The following ANK1 variants were observed in gnomAD, a reference collection of about 807,000 sequenced individuals.
ANK1 encodes the protein ankyrin 1.
Under a neutral mutation model 210.4 loss-of-function variants are expected in ANK1, and 51 were observed. The ratio of observed to expected loss-of-function variants is 0.24; its 90% CI spans 0.19 to 0.31. ANK1 has a LOEUF of 0.31. Among genes scored for constraint, ANK1 ranks in the 10% least tolerant of loss-of-function variants. The pLI, the probability that ANK1 is intolerant of heterozygous loss-of-function variation, is 1.00. For missense variants in ANK1, 2,051 were observed against 2,504.4 expected (o/e 0.82, Z 3.86); for synonymous variants, 967 against 1,025.9 (o/e 0.94, Z 1.10).
At chr8:41,768,234 C>T (rs1586819511) in intron 1 of ANK1, among the ~76,000 whole-genome samples, 1 of 152,232 alleles carries the variant, frequency 6.6e-6, no homozygotes, top group East Asian at 1.9e-4. Context: ...ATGAGGGAAC[C>T]GTAAGTAAAA....
In ANK1 at chr8:41,663,531, G is replaced by T. The variant is rs1007752879; in HGVS notation, c.5478+128C>A. On this transcript the variant is annotated intron_variant, in intron 40 of 42. Coordinates refer to ENST00000289734, the MANE Select transcript of ANK1 (RefSeq NM_000037.4). The stretch of plus-strand genomic sequence containing the variant: ...TGGGCCCTCCATCCCTCCTGAGCAC[G>T]GGGGCAGCCAGCCTGGCTGTGCTCA... The T allele has an allele frequency of 4.4e-6, 4 of 910,582 alleles. No individual in the cohort carries two copies. In the African/African-American group the frequency reaches 4.9e-5, roughly 11 times the overall value. 56.4% of individuals were successfully genotyped at this position (910,582 alleles called of 1,614,324 possible). A position where few individuals can be genotyped will look rare whatever the true frequency, so the allele number is the denominator to read the frequency against.
intron 5 of ANK1, 70 bp downstream of exon 5, chr8:41,727,180 G>A: frequency 1.7e-6 from 2 of 1,202,422 alleles, no homozygotes; most frequent in Non-Finnish European, 2.5e-6. Context: ...TCCCAGGTAG[G>A]TGTCACCTGA....
intron 1 of ANK1, among the ~76,000 whole-genome samples, chr8:41,785,552 T>C (rs1490692813): frequency 1.3e-5 from 2 of 152,140 alleles, no homozygotes; most frequent in African/African-American, 2.4e-5. Flanking sequence ...ACGGGATAAC[T>C]ATGGGGATGA....
chr8:41,862,739 G>T (rs1269734684), intron 1 of ANK1, among the ~76,000 whole-genome samples: 1 of 152,014 alleles, frequency 6.6e-6, no homozygotes, highest in African/African-American at 2.4e-5. Flanking sequence ...GCCAGGTGCG[G>T]TGGCTCACAC....
intron 2 of ANK1, among the ~76,000 whole-genome samples, chr8:41,752,535 C>A (rs1290836548): frequency 6.6e-6 from 1 of 152,156 alleles, no homozygotes; most frequent in East Asian, 1.9e-4. Flanking sequence ...AGCCTCCTTA[C>A]CAGGATCTGG....
At chr8:41,887,965 C>G (rs905153142) in intron 1 of ANK1, among the ~76,000 whole-genome samples, 1 of 152,216 alleles carries the variant, frequency 6.6e-6, no homozygotes, top group African/African-American at 2.4e-5. Flanking sequence ...CCATCAGCAT[C>G]CTTAGCTGTC....
intron 1 of ANK1, among the ~76,000 whole-genome samples, chr8:41,891,349 G>C (rs1421257678): frequency 6.6e-6 from 1 of 152,018 alleles, no homozygotes; most frequent in African/African-American, 2.4e-5. Context: ...AGCAGCCTTT[G>C]CTGGGGTGAG....
In ANK1 at chr8:41,790,481, GTCAGGGAGC is replaced by G. The variant is rs961754662; in HGVS notation, c.27+7022_27+7030del. On this transcript the variant is annotated intron_variant, in intron 1 of 42. Coordinates refer to ENST00000289734, the MANE Select transcript of ANK1 (RefSeq NM_000037.4). ...ATCTTGAGCCCAGTCACTATCCTAA[GTCAGGGAGC>G]TCAGGGAGCTCAGGGAGCGAGCTTC... is the stretch of plus-strand genomic sequence containing the variant. 9.9e-5 allele frequency among the ~76,000 whole-genome samples: 15 copies of G among 152,156 alleles called. 1 individual carries two copies. Among genetic ancestry groups the G allele is most frequent in the Admixed American group, 2.6e-4 (4 of 15,282 alleles).
chr8:41,737,056 T>C (rs1482727582), intron 2 of ANK1, among the ~76,000 whole-genome samples: 1 of 152,190 alleles, frequency 6.6e-6, no homozygotes, highest in Non-Finnish European at 1.5e-5. Context: ...TCCCAGCACT[T>C]TGGGAACTGA....
At chr8:41,775,520 C>A (rs1843832806) in intron 1 of ANK1, among the ~76,000 whole-genome samples, 1 of 152,230 alleles carries the variant, frequency 6.6e-6, no homozygotes, top group South Asian at 2.1e-4. Flanking sequence ...TGATGATTCA[C>A]CGCAGAGACA....
intron 4 of ANK1, 47 bp from the exon 5 acceptor site, chr8:41,727,395 A>T (rs776741280): frequency 1.1e-4 from 144 of 1,364,080 alleles, no homozygotes; most frequent in Non-Finnish European, 1.4e-4. Context: ...GCAATTTAAG[A>T]AAGGCCTACA....
At chr8:41,744,831 G>A (rs1047124353) in intron 2 of ANK1, among the ~76,000 whole-genome samples, 1 of 152,196 alleles carries the variant, frequency 6.6e-6, no homozygotes, top group South Asian at 2.1e-4. Context: ...CTCCGCGCCC[G>A]ATGGGAGCAT....
At chr8:41,680,558 T>G (rs1416585776) in intron 37 of ANK1, among the ~76,000 whole-genome samples, 1 of 124,448 alleles carries the variant, frequency 8.0e-6, no homozygotes, top group African/African-American at 3.1e-5. Context: ...AGGGTGAAAC[T>G]CTATCTCAAA....
At chr8:41,887,106 A>G (rs1818576036) in intron 1 of ANK1, among the ~76,000 whole-genome samples, 1 of 152,046 alleles carries the variant, frequency 6.6e-6, no homozygotes. Flanking sequence ...TCCAGATTTC[A>G]TCTCCAGAAG....
chr8:41,738,099 G>T (rs577687836), intron 2 of ANK1, among the ~76,000 whole-genome samples: 1 of 152,338 alleles, frequency 6.6e-6, no homozygotes, highest in South Asian at 2.1e-4. Flanking sequence ...GAGTTGTTCT[G>T]TCAAGAAGAC....
At chr8:41,831,653 AAAGAAGAAG>A (rs3041255) in intron 1 of ANK1, among the ~76,000 whole-genome samples, 1 of 115,810 alleles carries the variant, frequency 8.6e-6, no homozygotes, top group Non-Finnish European at 1.7e-5. Flanking sequence ...AAAAAAAAAA[AAAGAAGAAG>A]AAAAAGAAAA....
intron 5 of ANK1, 123 bp from the exon 6 acceptor site, chr8:41,726,069 A>T: frequency 9.1e-7 from 1 of 1,104,898 alleles, no homozygotes; most frequent in Non-Finnish European, 1.3e-6. Flanking sequence ...ACCTACCTCC[A>T]CCAAAGCCCT....
chr8:41,744,329 C>T (rs1835522467), intron 2 of ANK1, among the ~76,000 whole-genome samples: 1 of 152,154 alleles, frequency 6.6e-6, no homozygotes, highest in South Asian at 2.1e-4. Context: ...TCTGGAGCCA[C>T]CACAGCAGTA....
At position 41,723,221 on chromosome 8, in the gene ANK1, G is replaced by A. The variant is rs547157814; in HGVS notation, c.813C>T (p.Asp271=). 4.9e-5 allele frequency: 79 copies of A among 1,614,042 alleles called. No individual in the cohort carries two copies. The highest frequency in any genetic ancestry group is 1.2e-4 in the African/African-American group (9 of 74,998). ...CTGCACAGTGGAGAGGTGTCAATTC[G>A]TCCTTTAAAAGACAGAGTCAAAAAC... ...RGAQIETKTK[D]ELTPLHCAAR... Residue 271 remains aspartate, a splice_region_variant and synonymous_variant, in exon 9 of 43, where the codon GAC becomes GAT. Coordinates refer to ENST00000289734, the MANE Select transcript of ANK1 (RefSeq NM_000037.4).
Sources: allele counts gnomAD v4.1 joint callset (sites outside exome capture counted in the v4.1 genomes callset), GRCh38; gene constraint gnomAD v4.1.1; transcripts MANE v1.5; gene names NCBI Gene and HGNC (gene_info 2026-07-23, HGNC 2026-07-21).